DIAPH3: variants seen among roughly 807,000 people sequenced by gnomAD.
DIAPH3 encodes the protein diaphanous related formin 3, also known as protein diaphanous homolog 3.
Under a neutral mutation model 144.3 loss-of-function variants are expected in DIAPH3, and 117 were observed. The ratio of observed to expected loss-of-function variants is 0.81; its 90% CI spans 0.70 to 0.95. The LOEUF is 0.95. Among genes scored for constraint, DIAPH3 ranks in the 40% least tolerant of loss-of-function variants. The pLI is 0.00. For missense variants in DIAPH3, 1,421 were observed against 1,412.7 expected, an observed-to-expected ratio of 1.01 and a Z score of -0.09; for synonymous variants, 519 against 488.9, an observed-to-expected ratio of 1.06 and a Z score of -0.81.
At chr13:60,019,488 T>C (rs1002501070) in intron 5 of DIAPH3, among the ~76,000 whole-genome samples, 3 of 152,214 alleles carry the variant, frequency 2.0e-5, no homozygotes, top group Middle Eastern at 3.4e-3. Context: ...ACAGGAAATA[T>C]TAAACTCTTC....
At chr13:59,928,874 G>T (rs781275558) in intron 17 of DIAPH3, among the ~76,000 whole-genome samples, 9 of 152,178 alleles carry the variant, frequency 5.9e-5, no homozygotes, top group Non-Finnish European at 1.3e-4. Context: ...CCTGGGGGTT[G>T]TACTTGGGGA....
At chr13:60,044,793 CTA>C (rs1444132316) in intron 4 of DIAPH3, among the ~76,000 whole-genome samples, 1 of 151,966 alleles carries the variant, frequency 6.6e-6, no homozygotes, top group Non-Finnish European at 1.5e-5. Context: ...TTCTATAATC[CTA>C]TGTTTTGGGA....
intron 17 of DIAPH3, 138 bp downstream of exon 17, chr13:59,969,806 C>G: frequency 2.1e-6 from 1 of 473,876 alleles, no homozygotes; most frequent in South Asian, 3.3e-5. Flanking sequence ...TTTCATTATA[C>G]CATTTATTTG....
intron 1 of DIAPH3, among the ~76,000 whole-genome samples, chr13:60,133,578 A>T (rs1247101994): frequency 6.6e-6 from 1 of 152,174 alleles, no homozygotes; most frequent in Non-Finnish European, 1.5e-5. Flanking sequence ...ATGAGTGGTG[A>T]CAGTAGACAC....
At position 60,158,702 on chromosome 13, in the gene DIAPH3, G is replaced by T. The variant is rs117333348; in HGVS notation, c.180+4885C>A. On this transcript the variant is annotated intron_variant, in intron 1 of 27. Transcript: ENST00000400324. ...CTGGGAAGCTGAGCAGGGAGTTCTA[G>T]AGTGGCAGCCCAAACTCAGGCAGGC... is the stretch of plus-strand genomic sequence containing the variant. Among the ~76,000 whole-genome samples, 37 of 152,140 alleles carry T rather than the reference G, an allele frequency of 2.4e-4. No homozygotes were observed. The East Asian group carries it at 5.6e-3, about 23-fold the overall frequency.
At chr13:59,794,717 C>T (rs1309419900) in intron 25 of DIAPH3, among the ~76,000 whole-genome samples, 1 of 152,018 alleles carries the variant, frequency 6.6e-6, no homozygotes, top group Non-Finnish European at 1.5e-5. Context: ...TTGTGTGGCC[C>T]AGACTGGTCT....
At chr13:60,048,131 G>A (rs180960701) in intron 4 of DIAPH3, among the ~76,000 whole-genome samples, 16 of 152,326 alleles carry the variant, frequency 1.1e-4, no homozygotes, top group African/African-American at 3.4e-4. Flanking sequence ...CATTTTTATA[G>A]TGAGCAGTAA....
At chr13:59,711,039 A>G (rs867586511) in intron 27 of DIAPH3, among the ~76,000 whole-genome samples, 61 of 152,312 alleles carry the variant, frequency 4.0e-4, no homozygotes, top group African/African-American at 1.4e-3. Context: ...GCAAGTGAGC[A>G]CTGTTCTTGT....
chr13:59,842,391 C>A (rs1468019546), intron 22 of DIAPH3, among the ~76,000 whole-genome samples: 1 of 152,066 alleles, frequency 6.6e-6, no homozygotes, highest in Non-Finnish European at 1.5e-5. Context: ...AAGCACAGGG[C>A]AAATGTTGGG....
At chr13:60,045,147 G>C (rs2141213782) in intron 4 of DIAPH3, among the ~76,000 whole-genome samples, 1 of 152,202 alleles carries the variant, frequency 6.6e-6, no homozygotes, top group African/African-American at 2.4e-5. Context: ...TTCGAGACCA[G>C]CGTGACCAAC....
At chr13:59,940,152 T>C (rs1594064899) in intron 17 of DIAPH3, among the ~76,000 whole-genome samples, 1 of 152,142 alleles carries the variant, frequency 6.6e-6, no homozygotes, top group Non-Finnish European at 1.5e-5. Context: ...CAGAGCTGTA[T>C]TGTGAAATGG....
chr13:59,963,563 G>A (rs1168529110), intron 17 of DIAPH3, among the ~76,000 whole-genome samples: 1 of 150,984 alleles, frequency 6.6e-6, no homozygotes, highest in African/African-American at 2.4e-5. Flanking sequence ...TGTGTTCCAA[G>A]GATGGTATCA....
At chr13:60,094,484 G>A (rs73218529) in intron 3 of DIAPH3, among the ~76,000 whole-genome samples, 5,681 of 152,230 alleles carry the variant, frequency 0.037, 171 homozygotes, top group East Asian at 0.1. Context: ...GGCTATTCTG[G>A]CAAAGGAAAG....
intron 5 of DIAPH3, among the ~76,000 whole-genome samples, chr13:60,026,508 T>C (rs1194713627): frequency 7.9e-5 from 12 of 152,114 alleles, no homozygotes; most frequent in Admixed American, 7.9e-4. Flanking sequence ...GACAACGCAT[T>C]ATGAGTATGC....
At chr13:59,880,778 C>G (rs2044971015) in intron 20 of DIAPH3, among the ~76,000 whole-genome samples, 1 of 151,786 alleles carries the variant, frequency 6.6e-6, no homozygotes, top group Non-Finnish European at 1.5e-5. Context: ...GTTCCATTTT[C>G]AAATAATATA....
chr13:59,817,230 A>G (rs966400559), intron 24 of DIAPH3, among the ~76,000 whole-genome samples: 2 of 151,872 alleles, frequency 1.3e-5, no homozygotes, highest in Non-Finnish European at 2.9e-5. Context: ...CAAGTCTGTT[A>G]ATTGTTTAAC....
At chr13:60,119,563 C>T (rs540381117) in intron 2 of DIAPH3, among the ~76,000 whole-genome samples, 5 of 151,184 alleles carry the variant, frequency 3.3e-5, no homozygotes, top group East Asian at 2.0e-4. Flanking sequence ...CCGGCTAAAA[C>T]GGTGAAACCC....
intron 1 of DIAPH3, among the ~76,000 whole-genome samples, chr13:60,145,217 C>T (rs1037127958): frequency 2.6e-5 from 4 of 152,210 alleles, no homozygotes; most frequent in African/African-American, 4.8e-5. Flanking sequence ...GTCCCCAGAA[C>T]TATGATGGGA....
At chr13:60,118,337 G>A (rs150326105) in intron 2 of DIAPH3, among the ~76,000 whole-genome samples, 46 of 152,260 alleles carry the variant, frequency 3.0e-4, no homozygotes, top group Admixed American at 2.2e-3. Flanking sequence ...CAAAAGGCAA[G>A]TGATTCTTTA....
Sources: gnomAD v4.1 joint callset for allele counts (sites outside exome capture counted in the v4.1 genomes callset) on GRCh38, gnomAD v4.1.1 for gene constraint, MANE v1.5 for transcripts, NCBI Gene and HGNC (gene_info 2026-07-23, HGNC 2026-07-21) for gene names.